Variants in KCNIP4 observed in about 807,000 individuals in gnomAD.
The protein encoded by KCNIP4 is potassium voltage-gated channel interacting protein 4.
A neutral mutation model predicts 34.0 loss-of-function variants in KCNIP4; 12 were observed. That is an observed-to-expected ratio of 0.35 (90% CI 0.23 to 0.57). KCNIP4 has a LOEUF of 0.57. Ranked by LOEUF, KCNIP4 falls within the 20% of genes least tolerant of loss-of-function variation. KCNIP4 has a pLI of 0.83. For synonymous variants in KCNIP4, 124 were observed against 102.2 expected, an observed-to-expected ratio of 1.21 and a Z score of -1.29; for missense variants, 238 against 311.7, an observed-to-expected ratio of 0.76 and a Z score of 1.78.
At chr4:21,233,341 G>A (rs577694718) in intron 1 of KCNIP4, among the ~76,000 whole-genome samples, 2 of 152,150 alleles carry the variant, frequency 1.3e-5, no homozygotes, top group South Asian at 4.2e-4. Flanking sequence ...GAACACAAAC[G>A]ATGTCTACTA....
At position 21,091,813 on chromosome 4, in the gene KCNIP4, A is replaced by G. The variant is rs78909955; in HGVS notation, c.62-209104T>C. ...TAAAGACACCAATCCATTCATGAGC[A>G]CTCCACCCTCAAGACCTGATTACCT... On this transcript the variant is annotated intron_variant, in intron 1 of 8. Transcript: ENST00000382152. Among the ~76,000 whole-genome samples, 279 of 151,888 alleles carry G rather than the reference A, an allele frequency of 1.8e-3. 1 individual carries two copies. Among genetic ancestry groups the G allele is most frequent in the African/African-American group, 6.3e-3 (259 of 41,420 alleles).
At chr4:21,757,729 C>T (rs1249948528) in intron 1 of KCNIP4, among the ~76,000 whole-genome samples, 1 of 152,194 alleles carries the variant, frequency 6.6e-6, no homozygotes, top group Non-Finnish European at 1.5e-5. Context: ...GCCACCCAAT[C>T]TATGACCCCA....
rs545011643 is a variant in KCNIP4, at chr4:21,710,010, G to A, written c.61+238561C>T. On this transcript the variant is annotated intron_variant, in intron 1 of 8. Coordinates refer to ENST00000382152, the MANE Select transcript of KCNIP4 (RefSeq NM_025221.6). ...CTTTTAGATTAAATTGGATAGGAGG[G>A]CCCACATTGGCATGCCCTGCTGGAA... Among the ~76,000 whole-genome samples the A allele has an allele frequency of 4.6e-5, 7 of 152,276 alleles. No individual in the cohort carries two copies. The East Asian group carries it at 1.3e-3, about 29-fold the overall frequency.
intron 1 of KCNIP4, among the ~76,000 whole-genome samples, chr4:21,346,114 TA>T (rs1267156756): frequency 8.3e-6 from 1 of 120,654 alleles, no homozygotes; most frequent in Non-Finnish European, 1.6e-5. Flanking sequence ...TATATATAAA[TA>T]TATATATTTT....
chr4:21,364,617 T>C (rs527925477), intron 1 of KCNIP4, among the ~76,000 whole-genome samples: 1 of 152,160 alleles, frequency 6.6e-6, no homozygotes, highest in South Asian at 2.1e-4. Flanking sequence ...ATTTTAATGA[T>C]ACGAATTGAT....
intron 1 of KCNIP4, among the ~76,000 whole-genome samples, chr4:20,988,000 CA>C (rs36044149): frequency 0.045 from 2,081 of 46,270 alleles, 63 homozygotes; most frequent in South Asian, 0.15. Flanking sequence ...GATTCCATCT[CA>C]AAAAAAAAAA....
intron 1 of KCNIP4, among the ~76,000 whole-genome samples, chr4:21,689,923 T>G (rs898147747): frequency 6.6e-6 from 1 of 151,886 alleles, no homozygotes; most frequent in African/African-American, 2.4e-5. Flanking sequence ...TTTAAAAACA[T>G]AAAGTGAACA....
chr4:20,823,491 C>T (rs140333265), intron 3 of KCNIP4, among the ~76,000 whole-genome samples: 30 of 152,036 alleles, frequency 2.0e-4, no homozygotes, highest in Non-Finnish European at 3.7e-4. Context: ...GAAGTGGGAC[C>T]TTTGGGAGGT....
intron 1 of KCNIP4, among the ~76,000 whole-genome samples, chr4:21,269,681 C>A (rs1274525836): frequency 2.0e-5 from 3 of 152,144 alleles, no homozygotes; most frequent in African/African-American, 7.2e-5. Flanking sequence ...AGGCATGAGC[C>A]ACTGCGCCCG....
At chr4:21,186,942 A>G (rs1250484932) in intron 1 of KCNIP4, among the ~76,000 whole-genome samples, 1 of 152,170 alleles carries the variant, frequency 6.6e-6, no homozygotes, top group Non-Finnish European at 1.5e-5. Flanking sequence ...GCCCAGCTCA[A>G]TCTTTTTATT....
chr4:21,918,753 T>A (rs1191350927), intron 1 of KCNIP4, among the ~76,000 whole-genome samples: 2 of 152,182 alleles, frequency 1.3e-5, no homozygotes, highest in Non-Finnish European at 2.9e-5. Context: ...CAGTGTCCGG[T>A]CAGATCACTA....
chr4:21,264,436 G>A (rs576057978), intron 1 of KCNIP4, among the ~76,000 whole-genome samples: 6 of 152,270 alleles, frequency 3.9e-5, no homozygotes, highest in Non-Finnish European at 8.8e-5. Flanking sequence ...GGTTAGGAAC[G>A]TGATGTAGAG....
chr4:20,932,472 A>G (rs889030678), intron 1 of KCNIP4, among the ~76,000 whole-genome samples: 2 of 128,990 alleles, frequency 1.6e-5, no homozygotes, highest in African/African-American at 7.1e-5. Flanking sequence ...AGACTATAAT[A>G]GTCTATAATA....
chr4:21,282,683 C>T (rs1560249570), intron 1 of KCNIP4, among the ~76,000 whole-genome samples: 1 of 152,082 alleles, frequency 6.6e-6, no homozygotes, highest in Admixed American at 6.5e-5. Context: ...TAAGAAGATG[C>T]ATATTTCTCT....
chr4:21,522,227 A>C (rs1212319433), intron 1 of KCNIP4, among the ~76,000 whole-genome samples: 1 of 151,854 alleles, frequency 6.6e-6, no homozygotes, highest in African/African-American at 2.4e-5. Context: ...CACTTCAGAG[A>C]CTCCAGGAAA....
intron 1 of KCNIP4, among the ~76,000 whole-genome samples, chr4:21,900,346 G>C (rs1727636049): frequency 6.6e-6 from 1 of 152,172 alleles, no homozygotes; most frequent in African/African-American, 2.4e-5. Context: ...TATCTGATAA[G>C]ACTGATGGAA....
intron 3 of KCNIP4, among the ~76,000 whole-genome samples, chr4:20,807,455 A>C (rs1715228803): frequency 6.6e-6 from 1 of 152,100 alleles, no homozygotes; most frequent in African/African-American, 2.4e-5. Flanking sequence ...TATTTCCATA[A>C]GACCCATGAG....
At chr4:21,376,936 G>A (rs1721014789) in intron 1 of KCNIP4, among the ~76,000 whole-genome samples, 1 of 152,172 alleles carries the variant, frequency 6.6e-6, no homozygotes, top group African/African-American at 2.4e-5. Flanking sequence ...CTTGTTTTGT[G>A]TCTGAGTAAA....
At chr4:21,644,624 TG>T (rs1337288069) in intron 1 of KCNIP4, among the ~76,000 whole-genome samples, 2 of 152,182 alleles carry the variant, frequency 1.3e-5, no homozygotes, top group African/African-American at 4.8e-5. Flanking sequence ...AGTCAACGCC[TG>T]GGTTTACTCT....
Sources: gnomAD v4.1 joint callset for allele counts (sites outside exome capture counted in the v4.1 genomes callset) on GRCh38, gnomAD v4.1.1 for gene constraint, MANE v1.5 for transcripts, NCBI Gene and HGNC (gene_info 2026-07-23, HGNC 2026-07-21) for gene names.